Variants in HS3ST4 observed in about 807,000 individuals in gnomAD.
The protein encoded by HS3ST4 is heparan sulfate-glucosamine 3-sulfotransferase 4.
Under a neutral mutation model 29.2 loss-of-function variants are expected in HS3ST4, and 17 were observed. The observed-to-expected ratio is 0.58, with a 90% confidence interval of 0.40 to 0.87. HS3ST4 has a LOEUF of 0.87. Ranked by LOEUF, HS3ST4 falls within the 40% of genes least tolerant of loss-of-function variation. The probability of loss-of-function intolerance (pLI) is 0.00; values close to 1 mark genes in which losing one functional copy is unlikely to be tolerated. For missense variants in HS3ST4, 627 were observed against 634.5 expected (o/e 0.99, Z 0.13); for synonymous variants, 314 against 285.7 (o/e 1.10, Z -1.00).
chr16:26,118,462 A>G (rs4129575), intron 1 of HS3ST4, among the ~76,000 whole-genome samples: 24,130 of 152,182 alleles, frequency 0.16, 2,172 homozygotes, highest in East Asian at 0.24. Context: ...CGTCTAATGG[A>G]ACTTTCTGTG....
chr16:25,905,460 A>G (rs1479555269), intron 1 of HS3ST4, among the ~76,000 whole-genome samples: 2 of 152,202 alleles, frequency 1.3e-5, no homozygotes, highest in African/African-American at 4.8e-5. Context: ...CTTGTTTCTC[A>G]AAGAGTGGAG....
intron 1 of HS3ST4, chr16:25,825,986 G>A (rs547574650): frequency 1.1e-4 from 17 of 152,330 alleles, no homozygotes; most frequent in African/African-American, 3.8e-4. Flanking sequence ...GTGTAGGTAT[G>A]TGTTTTCCTG....
At chr16:25,872,276 C>T (rs1411755460) in intron 1 of HS3ST4, among the ~76,000 whole-genome samples, 1 of 113,504 alleles carries the variant, frequency 8.8e-6, no homozygotes, top group Non-Finnish European at 2.1e-5. Flanking sequence ...ATGGCTTTGT[C>T]ACACCAGTGT....
intron 1 of HS3ST4, among the ~76,000 whole-genome samples, chr16:25,711,710 C>T (rs1966416908): frequency 6.6e-6 from 1 of 152,200 alleles, no homozygotes; most frequent in Admixed American, 6.5e-5. Context: ...GTGACACAAA[C>T]ACTCCCTGAC....
At chr16:25,834,048 C>T (rs546473424) in intron 1 of HS3ST4, among the ~76,000 whole-genome samples, 5 of 152,086 alleles carry the variant, frequency 3.3e-5, no homozygotes, top group East Asian at 1.9e-4. Context: ...GATTGGTTTT[C>T]GGGGTGCATG....
intron 1 of HS3ST4, among the ~76,000 whole-genome samples, chr16:25,819,868 G>A (rs191244228): frequency 1.3e-5 from 2 of 151,298 alleles, no homozygotes; most frequent in East Asian, 2.0e-4. Context: ...AAAATTATCC[G>A]GGAATGGTGG....
chr16:25,846,675 T>G (rs1967469735), intron 1 of HS3ST4, among the ~76,000 whole-genome samples: 1 of 152,210 alleles, frequency 6.6e-6, no homozygotes, highest in South Asian at 2.1e-4. Flanking sequence ...GTGTTCATTC[T>G]TTCTATAACA....
At chr16:25,934,988 GT>G (rs1206980147) in intron 1 of HS3ST4, among the ~76,000 whole-genome samples, 1 of 152,190 alleles carries the variant, frequency 6.6e-6, no homozygotes, top group East Asian at 1.9e-4. Flanking sequence ...GATCATGAGG[GT>G]GGTTTCCCCC....
chr16:25,911,723 G>C (rs1029952121), intron 1 of HS3ST4, among the ~76,000 whole-genome samples: 1 of 151,930 alleles, frequency 6.6e-6, no homozygotes, highest in Non-Finnish European at 1.5e-5. Context: ...TGCCCAGGCT[G>C]TTCTTGAAGT....
At chr16:25,899,053 C>T (rs994492140) in intron 1 of HS3ST4, among the ~76,000 whole-genome samples, 2 of 152,242 alleles carry the variant, frequency 1.3e-5, no homozygotes, top group African/African-American at 4.8e-5. Context: ...TTTCTACCAA[C>T]TGCAAGCTCA....
chr16:25,790,745 T>A (rs1410963114), intron 1 of HS3ST4, among the ~76,000 whole-genome samples: 3 of 152,204 alleles, frequency 2.0e-5, no homozygotes, highest in African/African-American at 7.2e-5. Context: ...ATCGATTTGC[T>A]TTTTTCCTCT....
At chr16:26,046,915 C>G (rs535286884) in intron 1 of HS3ST4, among the ~76,000 whole-genome samples, 143 of 152,166 alleles carry the variant, frequency 9.4e-4, no homozygotes, top group African/African-American at 3.3e-3. Context: ...TAGTAAGTGT[C>G]TAAGTCAAAA....
At chr16:25,758,574 C>T (rs2141605098) in intron 1 of HS3ST4, among the ~76,000 whole-genome samples, 1 of 152,260 alleles carries the variant, frequency 6.6e-6, no homozygotes, top group South Asian at 2.1e-4. Context: ...TGACTGATCC[C>T]CATCCTCTAC....
chr16:25,796,277 C>A (rs1966885367), intron 1 of HS3ST4, among the ~76,000 whole-genome samples: 1 of 152,128 alleles, frequency 6.6e-6, no homozygotes, highest in African/African-American at 2.4e-5. Context: ...TTGAGCTCAC[C>A]CTGGTGAGCA....
intron 1 of HS3ST4, among the ~76,000 whole-genome samples, chr16:25,970,955 A>G (rs1464733084): frequency 6.6e-6 from 1 of 151,938 alleles, no homozygotes; most frequent in Admixed American, 6.6e-5. Flanking sequence ...GGTTCCAGTG[A>G]TTCTCCTGTC....
intron 1 of HS3ST4, among the ~76,000 whole-genome samples, chr16:25,981,414 T>C (rs1969004028): frequency 6.6e-6 from 1 of 151,962 alleles, no homozygotes; most frequent in Non-Finnish European, 1.5e-5. Flanking sequence ...GTGCGAGTTA[T>C]TTGCTCTCTT....
At chr16:26,092,581 A>T (rs1203538601) in intron 1 of HS3ST4, among the ~76,000 whole-genome samples, 1 of 152,206 alleles carries the variant, frequency 6.6e-6, no homozygotes, top group Non-Finnish European at 1.5e-5. Context: ...TGAATGCATG[A>T]GCAAGTGGTT....
At chr16:25,990,418 T>C (rs1488646876) in intron 1 of HS3ST4, among the ~76,000 whole-genome samples, 4 of 152,244 alleles carry the variant, frequency 2.6e-5, no homozygotes, top group African/African-American at 9.6e-5. Flanking sequence ...TTGCCAACTT[T>C]GAGTGTTGTC....
At chr16:25,900,096 G>C (rs1968107590) in intron 1 of HS3ST4, among the ~76,000 whole-genome samples, 1 of 152,190 alleles carries the variant, frequency 6.6e-6, no homozygotes, top group South Asian at 2.1e-4. Context: ...AGTTTAACTG[G>C]TCTTCATTCC....
Sources: allele counts gnomAD v4.1 joint callset (sites outside exome capture counted in the v4.1 genomes callset), GRCh38; gene constraint gnomAD v4.1.1; transcripts MANE v1.5; gene names NCBI Gene and HGNC (gene_info 2026-07-23, HGNC 2026-07-21).